CNTLN: variants seen among roughly 807,000 people sequenced by gnomAD.
CNTLN encodes the protein centlein, also known as centlein, centrosomal protein.
Under a neutral mutation model 180.0 loss-of-function variants are expected in CNTLN, and 212 were observed. The ratio of observed to expected loss-of-function variants is 1.18; its 90% CI spans 1.05 to 1.32. CNTLN has a LOEUF of 1.32. CNTLN is among the 40% of genes most tolerant of loss of function. CNTLN has a pLI of 0.00. For synonymous variants in CNTLN, 722 were observed against 563.1 expected (o/e 1.28, Z -3.99); for missense variants, 2,095 against 1,610.9 (o/e 1.30, Z -5.14).
intron 23 of CNTLN, among the ~76,000 whole-genome samples, chr9:17,472,930 C>T (rs1041089172): frequency 6.6e-6 from 1 of 152,120 alleles, no homozygotes; most frequent in African/African-American, 2.4e-5. Context: ...ACCCTCCTTC[C>T]CACTGTGCCC....
chr9:17,214,271 A>G (rs139125031), intron 2 of CNTLN, among the ~76,000 whole-genome samples: 1,825 of 152,136 alleles, frequency 0.012, 39 homozygotes, highest in African/African-American at 0.042. Flanking sequence ...ATCTCTCAGC[A>G]TTTGCTTGTC....
rs113683719 is a variant in CNTLN at position 17,363,499 on chromosome 9, GT to G, written c.1887-3108del. On this transcript the variant is annotated intron_variant, in intron 12 of 25. Transcript: ENST00000380647. ...ACTTTCTTGCCTTTGATTTGATACA[GT>G]TTTTTTTTTCATTTCTCTTCTGACC... Among the ~76,000 whole-genome samples, 673 of 140,032 alleles carry G rather than the reference GT, an allele frequency of 4.8e-3. 7 individuals carry two copies. Among genetic ancestry groups the G allele is most frequent in the African/African-American group, 0.012 (472 of 38,378 alleles). The allele number at this position is 140,032 out of a possible 152,430, so 91.9% of individuals were successfully genotyped here.
At chr9:17,267,364 G>A (rs1827552023) in intron 5 of CNTLN, among the ~76,000 whole-genome samples, 1 of 151,978 alleles carries the variant, frequency 6.6e-6, no homozygotes, top group South Asian at 2.1e-4. Context: ...TTGAATATAG[G>A]CCCCCACTCT....
chr9:17,467,393 C>T (rs1831811794), intron 23 of CNTLN, among the ~76,000 whole-genome samples: 1 of 151,538 alleles, frequency 6.6e-6, no homozygotes, highest in African/African-American at 2.4e-5. Context: ...TATCTAAAAG[C>T]TGAAGAGCCC....
In CNTLN at chr9:17,164,829, T is replaced by TC. The variant is rs549293211; in HGVS notation, c.449+21454dup. 4.7e-3 allele frequency among the ~76,000 whole-genome samples: 714 copies of TC among 150,512 alleles called. 5 individuals carry two copies. Among genetic ancestry groups the TC allele is most frequent in the Admixed American group, 7.4e-3 (112 of 15,122 alleles). ...TTCTTAGAACATTTTTCTTTTTTTT[T>TC]CTTTCTTTCTTTTTTTTTTTTTTTG... On this transcript the variant is annotated intron_variant, in intron 2 of 25. Transcript: ENST00000380647.
At chr9:17,257,948 G>A (rs1826637840) in intron 5 of CNTLN, among the ~76,000 whole-genome samples, 1 of 145,990 alleles carries the variant, frequency 6.8e-6, no homozygotes. Flanking sequence ...TCTGATGGTA[G>A]TTTCTTTTGC....
chr9:17,377,632 C>G (rs575274148), intron 13 of CNTLN, among the ~76,000 whole-genome samples: 23 of 152,172 alleles, frequency 1.5e-4, no homozygotes, highest in African/African-American at 5.1e-4. Context: ...TTGTAAGAAC[C>G]TAGATGTTTG....
rs1048057912 is a variant in CNTLN, at chr9:17,390,420, G to T, written c.2079+2167G>T. ...TGCCTGGCTAATTTTTGTGTTTTTC[G>T]TAGAGATGAGGTTTCATTTCACCAT... On this transcript the variant is annotated intron_variant, in intron 14 of 25. Transcript: ENST00000380647. Among the ~76,000 whole-genome samples the T allele has an allele frequency of 7.3e-5, 11 of 151,476 alleles. No homozygotes were observed. The East Asian group carries it at 9.7e-4, about 13-fold the overall frequency.
intron 18 of CNTLN, among the ~76,000 whole-genome samples, chr9:17,450,342 G>C (rs779133628): frequency 6.6e-6 from 1 of 152,086 alleles, no homozygotes; most frequent in Non-Finnish European, 1.5e-5. Flanking sequence ...GCAATTAGCA[G>C]TAATTAGGAA....
At chr9:17,307,205 T>A (rs1818778966) in intron 7 of CNTLN, among the ~76,000 whole-genome samples, 1 of 152,232 alleles carries the variant, frequency 6.6e-6, no homozygotes, top group African/African-American at 2.4e-5. Context: ...TTTAAAAGAT[T>A]GCCTAGACTT....
At chr9:17,493,683 C>A (rs1206162628) in intron 25 of CNTLN, among the ~76,000 whole-genome samples, 1 of 152,140 alleles carries the variant, frequency 6.6e-6, no homozygotes, top group South Asian at 2.1e-4. Context: ...ATACGTGAAG[C>A]ACAATGGGTA....
chr9:17,262,808 T>G (rs1037014354), intron 5 of CNTLN, among the ~76,000 whole-genome samples: 1 of 151,334 alleles, frequency 6.6e-6, no homozygotes, highest in Non-Finnish European at 1.5e-5. Context: ...TGCTTCCAGC[T>G]TTTGCCAGTA....
chr9:17,141,243 A>G (rs1315495828), intron 1 of CNTLN, among the ~76,000 whole-genome samples: 1 of 152,186 alleles, frequency 6.6e-6, no homozygotes, highest in Non-Finnish European at 1.5e-5. Flanking sequence ...CACAAGTAAA[A>G]CCAAATCACT....
intron 18 of CNTLN, among the ~76,000 whole-genome samples, chr9:17,450,793 T>G (rs1325292101): frequency 6.6e-6 from 1 of 152,128 alleles, no homozygotes; most frequent in Non-Finnish European, 1.5e-5. Flanking sequence ...CAGAAGAAAT[T>G]TTGTTACATA....
At chr9:17,338,337 G>GTTTTGT (rs1821206719) in intron 10 of CNTLN, among the ~76,000 whole-genome samples, 1 of 100,436 alleles carries the variant, frequency 1.0e-5, no homozygotes, top group African/African-American at 3.9e-5. Flanking sequence ...GCTAATTTTT[G>GTTTTGT]TTTTTTTTTT....
At chr9:17,506,207 G>C (rs983872520), downstream of CNTLN, among the ~76,000 whole-genome samples, 4 of 152,042 alleles carry the variant, frequency 2.6e-5, no homozygotes, top group Non-Finnish European at 5.9e-5. Flanking sequence ...CAGGACCTCA[G>C]ATTTGGTGAA....
At chr9:17,301,146 A>G (rs1421369078) in intron 7 of CNTLN, 8 of 985,276 alleles carry the variant, frequency 8.1e-6, no homozygotes, top group African/African-American at 7.0e-5. Flanking sequence ...AGACAAATTA[A>G]TTTCTGATAA....
At chr9:17,295,328 C>G (rs951912861) in intron 6 of CNTLN, among the ~76,000 whole-genome samples, 1 of 152,310 alleles carries the variant, frequency 6.6e-6, no homozygotes, top group East Asian at 1.9e-4. Flanking sequence ...GAGTGGGCGC[C>G]GAGGCCAAGG....
At chr9:17,184,637 C>T (rs1821321135) in intron 2 of CNTLN, among the ~76,000 whole-genome samples, 1 of 152,088 alleles carries the variant, frequency 6.6e-6, no homozygotes, top group Non-Finnish European at 1.5e-5. Context: ...GTTGCCATTG[C>T]CATTGTGAAT....
Sources: gnomAD v4.1 joint callset for allele counts (sites outside exome capture counted in the v4.1 genomes callset) on GRCh38, gnomAD v4.1.1 for gene constraint, MANE v1.5 for transcripts, NCBI Gene and HGNC (gene_info 2026-07-23, HGNC 2026-07-21) for gene names.